RBMS3: variants seen among roughly 807,000 people sequenced by gnomAD.
The protein encoded by RBMS3 is RNA-binding motif, single-stranded-interacting protein 3.
A neutral mutation model predicts 66.8 loss-of-function variants in RBMS3; 27 were observed. That is an observed-to-expected ratio of 0.40 (90% CI 0.30 to 0.56). RBMS3 has a LOEUF of 0.56. Ranked by LOEUF, RBMS3 falls within the 20% of genes least tolerant of loss-of-function variation. RBMS3 has a pLI of 0.40. For synonymous variants in RBMS3, 188 were observed against 183.0 expected (o/e 1.03, Z -0.22); for missense variants, 513 against 549.5 (o/e 0.93, Z 0.66).
chr3:29,325,553 TATGTGTGTATGTATATATATAC>T (rs1269559209), intron 1 of RBMS3, among the ~76,000 whole-genome samples: 53 of 151,906 alleles, frequency 3.5e-4, no homozygotes, highest in Admixed American at 1.3e-3. Flanking sequence ...TGTGTGTATA[TATGTGTGTATGTATATATATAC>T]ATGTGTGTAT....
intron 1 of RBMS3, among the ~76,000 whole-genome samples, chr3:29,287,412 A>C (rs2125416365): frequency 6.6e-6 from 1 of 152,218 alleles, no homozygotes; most frequent in African/African-American, 2.4e-5. Flanking sequence ...ATTGTAAGAA[A>C]ACCTTCATCC....
chr3:29,382,258 C>T (rs1575667106), intron 1 of RBMS3, among the ~76,000 whole-genome samples: 1 of 152,288 alleles, frequency 6.6e-6, no homozygotes, highest in South Asian at 2.1e-4. Context: ...CCATCAACTA[C>T]CTTCAGTAGA....
chr3:29,931,121 A>G (rs2061109856), intron 10 of RBMS3, among the ~76,000 whole-genome samples: 1 of 152,206 alleles, frequency 6.6e-6, no homozygotes. Context: ...AAAATGAGAA[A>G]TATTAGTAAA....
At chr3:29,322,699 A>G (rs2035079085) in intron 1 of RBMS3, among the ~76,000 whole-genome samples, 1 of 151,964 alleles carries the variant, frequency 6.6e-6, no homozygotes, top group Admixed American at 6.6e-5. Flanking sequence ...AAACCTCACT[A>G]TATGCAAAGG....
At chr3:29,756,102 CT>C (rs1230459921) in intron 5 of RBMS3, among the ~76,000 whole-genome samples, 2 of 152,180 alleles carry the variant, frequency 1.3e-5, no homozygotes, top group Non-Finnish European at 2.9e-5. Flanking sequence ...CTCTTTTACT[CT>C]GTTCCATGGT....
chr3:29,666,135 C>T (rs1279542193), intron 4 of RBMS3, among the ~76,000 whole-genome samples: 2 of 152,116 alleles, frequency 1.3e-5, no homozygotes, highest in Admixed American at 6.6e-5. Flanking sequence ...ATCCATTTGC[C>T]TCCTTTATCT....
At chr3:29,629,291 G>T (rs928336957) in intron 4 of RBMS3, among the ~76,000 whole-genome samples, 1 of 152,082 alleles carries the variant, frequency 6.6e-6, no homozygotes, top group Non-Finnish European at 1.5e-5. Context: ...CTATCTGCAG[G>T]CTATTTTAAT....
chr3:29,923,808 C>T (rs1416723144), intron 10 of RBMS3, among the ~76,000 whole-genome samples: 1 of 151,692 alleles, frequency 6.6e-6, no homozygotes, highest in Admixed American at 6.6e-5. Context: ...GTCACCAAGG[C>T]CACATAATGA....
intron 4 of RBMS3, among the ~76,000 whole-genome samples, chr3:29,590,158 A>C (rs1011442073): frequency 6.6e-6 from 1 of 152,018 alleles, no homozygotes; most frequent in Middle Eastern, 3.4e-3. Context: ...AGTAATACAT[A>C]GTGGTTAGGA....
At chr3:29,811,998 G>T (rs1221609117) in intron 6 of RBMS3, among the ~76,000 whole-genome samples, 2 of 152,054 alleles carry the variant, frequency 1.3e-5, no homozygotes, top group Non-Finnish European at 2.9e-5. Flanking sequence ...CTGTGGAATT[G>T]AAAAAGTCAT....
intron 1 of RBMS3, among the ~76,000 whole-genome samples, chr3:29,320,424 A>C (rs2034937771): frequency 6.6e-6 from 1 of 152,088 alleles, no homozygotes. Flanking sequence ...AAAAATAAAT[A>C]CATGAATAAA....
intron 4 of RBMS3, among the ~76,000 whole-genome samples, chr3:29,694,414 G>T (rs1050540055): frequency 2.0e-5 from 3 of 152,118 alleles, no homozygotes; most frequent in Non-Finnish European, 2.9e-5. Context: ...TTTTACAATT[G>T]TTCGTCATAA....
chr3:29,525,626 G>T (rs777435826), intron 3 of RBMS3, among the ~76,000 whole-genome samples: 1 of 152,168 alleles, frequency 6.6e-6, no homozygotes, highest in Non-Finnish European at 1.5e-5. Flanking sequence ...TCAGTGTATT[G>T]GTTTGTAATT....
At chr3:29,419,761 G>A (rs530946844) in intron 1 of RBMS3, among the ~76,000 whole-genome samples, 58 of 152,244 alleles carry the variant, frequency 3.8e-4, no homozygotes, top group Admixed American at 9.2e-4. Context: ...AGGGGAGAGC[G>A]ATGCATATGT....
chr3:29,437,220 G>T (rs569024392), intron 2 of RBMS3, among the ~76,000 whole-genome samples: 45 of 152,302 alleles, frequency 3.0e-4, no homozygotes, highest in Non-Finnish European at 5.4e-4. Flanking sequence ...AGCACATCCT[G>T]CAAATCAGAG....
rs912663120 is a variant in RBMS3 at position 30,005,451 on chromosome 3, A to G, written c.*1589A>G. 1 of 151,896 alleles carries G rather than the reference A, an allele frequency of 6.6e-6. No individual in the cohort carries two copies. The highest frequency in any genetic ancestry group is 2.4e-5 in the African/African-American group (1 of 41,412). The allele number at this position is 151,896 out of a possible 1,614,324, so 9.4% of individuals were successfully genotyped here. On this transcript the variant is annotated 3_prime_UTR_variant, in exon 15 of 15. Coordinates refer to ENST00000383767, the MANE Select transcript of RBMS3 (RefSeq NM_001003793.3). ...ATTTAACAGGTGGAATATTCTTTATATGAAATTTCAGCTAAAGACACTTTC... is the reference window on the plus strand; with the variant it reads ...ATTTAACAGGTGGAATATTCTTTATGTGAAATTTCAGCTAAAGACACTTTC...
intron 4 of RBMS3, among the ~76,000 whole-genome samples, chr3:29,636,809 C>A (rs1320784087): frequency 6.6e-6 from 1 of 151,796 alleles, no homozygotes; most frequent in Non-Finnish European, 1.5e-5. Context: ...GTATATGGTG[C>A]ACCATGTTAA....
intron 12 of RBMS3, among the ~76,000 whole-genome samples, chr3:29,973,298 G>A (rs916446431): frequency 6.6e-6 from 1 of 152,000 alleles, no homozygotes. Flanking sequence ...TAAGAAGAAA[G>A]TAGTAACAAT....
intron 10 of RBMS3, chr3:29,934,032 C>A (rs1367672547): frequency 1.3e-5 from 2 of 152,040 alleles, no homozygotes; most frequent in Non-Finnish European, 2.9e-5. Flanking sequence ...AAAAAACACA[C>A]CCCTGGGGAA....
Sources: gnomAD v4.1 joint callset for allele counts (sites outside exome capture counted in the v4.1 genomes callset) on GRCh38, gnomAD v4.1.1 for gene constraint, MANE v1.5 for transcripts, NCBI Gene and HGNC (gene_info 2026-07-23, HGNC 2026-07-21) for gene names.